Variants in DOK6 observed in about 807,000 individuals in gnomAD.
DOK6 encodes the protein docking protein 6, also known as downstream of tyrosine kinase 6.
In DOK6, 22 loss-of-function variants were observed where a neutral mutation model predicts 44.0. The observed-to-expected ratio is 0.50, with a 90% CI of 0.36 to 0.71. DOK6 has a LOEUF of 0.71. Among genes scored for constraint, DOK6 ranks in the 30% least tolerant of loss-of-function variants. DOK6 has a pLI of 0.00. For missense variants in DOK6, 340 were observed against 416.4 expected (o/e 0.82, Z 1.60); for synonymous variants, 166 against 145.5 (o/e 1.14, Z -1.01).
At chr18:69,811,895 A>G (rs1208358417) in intron 7 of DOK6, among the ~76,000 whole-genome samples, 1 of 152,038 alleles carries the variant, frequency 6.6e-6, no homozygotes, top group Non-Finnish European at 1.5e-5. Context: ...TGACTTTGTT[A>G]TGCCTCAAGA....
chr18:69,782,100 A>G (rs1055387606), intron 7 of DOK6, among the ~76,000 whole-genome samples: 3 of 56,766 alleles, frequency 5.3e-5, no homozygotes, highest in Admixed American at 5.7e-4. Flanking sequence ...AAGATTAGCT[A>G]TAGAGACTAC....
intron 2 of DOK6, among the ~76,000 whole-genome samples, chr18:69,575,188 T>A (rs1983210283): frequency 6.6e-6 from 1 of 152,082 alleles, no homozygotes; most frequent in Non-Finnish European, 1.5e-5. Context: ...GTTCTGATCT[T>A]TTCAAGACAG....
intron 3 of DOK6, among the ~76,000 whole-genome samples, chr18:69,606,867 A>T (rs1984011629): frequency 6.6e-6 from 1 of 151,052 alleles, no homozygotes; most frequent in Admixed American, 6.6e-5. Context: ...AGGTTCAAGC[A>T]ACTCTCTGCC....
chr18:69,598,276 G>A (rs1983793707), intron 2 of DOK6, among the ~76,000 whole-genome samples: 1 of 151,456 alleles, frequency 6.6e-6, no homozygotes, highest in South Asian at 2.1e-4. Flanking sequence ...ATATGCAAAT[G>A]TGTATATAAA....
intron 1 of DOK6, among the ~76,000 whole-genome samples, chr18:69,526,986 C>T (rs1223373028): frequency 6.6e-6 from 1 of 152,176 alleles, no homozygotes; most frequent in Non-Finnish European, 1.5e-5. Context: ...TATCTGTAAC[C>T]TTCTGCTCAG....
intron 1 of DOK6, among the ~76,000 whole-genome samples, chr18:69,521,929 T>A (rs1981697877): frequency 6.6e-6 from 1 of 151,908 alleles, no homozygotes; most frequent in South Asian, 2.1e-4. Flanking sequence ...AGTTAAAATT[T>A]AAAAAAATTA....
intron 1 of DOK6, among the ~76,000 whole-genome samples, chr18:69,444,685 C>T (rs1376887428): frequency 6.6e-6 from 1 of 150,556 alleles, no homozygotes; most frequent in East Asian, 1.9e-4. Flanking sequence ...ACTCTGTCCC[C>T]CAGGCTGGAG....
intron 3 of DOK6, among the ~76,000 whole-genome samples, chr18:69,676,838 A>C (rs1166247143): frequency 6.6e-6 from 1 of 152,200 alleles, no homozygotes; most frequent in Non-Finnish European, 1.5e-5. Flanking sequence ...CTTACACCAA[A>C]GTCAAATTCA....
intron 3 of DOK6, among the ~76,000 whole-genome samples, chr18:69,642,410 C>T (rs546264567): frequency 1.3e-5 from 2 of 152,204 alleles, no homozygotes; most frequent in African/African-American, 4.8e-5. Context: ...GTGGTACATG[C>T]CTGTAGTCCC....
At chr18:69,466,207 C>T (rs566069056) in intron 1 of DOK6, among the ~76,000 whole-genome samples, 3 of 152,276 alleles carry the variant, frequency 2.0e-5, no homozygotes, top group Admixed American at 1.3e-4. Flanking sequence ...CACCATCCTA[C>T]GCTGAGCATT....
At chr18:69,620,741 T>C (rs1984421412) in intron 3 of DOK6, among the ~76,000 whole-genome samples, 1 of 152,232 alleles carries the variant, frequency 6.6e-6, no homozygotes, top group Non-Finnish European at 1.5e-5. Context: ...TTAACGTACT[T>C]GTAAATTCAA....
chr18:69,727,626 T>A (rs1978316791), intron 5 of DOK6, among the ~76,000 whole-genome samples: 1 of 152,340 alleles, frequency 6.6e-6, no homozygotes, highest in African/African-American at 2.4e-5. Flanking sequence ...GATGACTATA[T>A]AAATGTGAGA....
At chr18:69,652,512 A>G (rs901255321) in intron 3 of DOK6, among the ~76,000 whole-genome samples, 5 of 152,202 alleles carry the variant, frequency 3.3e-5, no homozygotes, top group African/African-American at 1.2e-4. Flanking sequence ...GGAGTAGATG[A>G]GTTTATTAGG....
chr18:69,561,938 C>G (rs1263115562), intron 1 of DOK6, among the ~76,000 whole-genome samples: 2 of 152,098 alleles, frequency 1.3e-5, no homozygotes, highest in African/African-American at 4.8e-5. Context: ...AATATGACAA[C>G]TTTGCAATTT....
chr18:69,732,090 T>C (rs1358771549), intron 5 of DOK6, among the ~76,000 whole-genome samples: 1 of 152,214 alleles, frequency 6.6e-6, no homozygotes, highest in Admixed American at 6.5e-5. Context: ...TAATTTGTTT[T>C]GCTTTTTTTT....
At chr18:69,619,052 A>G (rs1018653411) in intron 3 of DOK6, among the ~76,000 whole-genome samples, 1 of 152,108 alleles carries the variant, frequency 6.6e-6, no homozygotes, top group African/African-American at 2.4e-5. Context: ...TCCACTTACA[A>G]GAAAGAAAAG....
At chr18:69,706,396 C>G (rs545841885) in intron 5 of DOK6, among the ~76,000 whole-genome samples, 13 of 152,100 alleles carry the variant, frequency 8.5e-5, no homozygotes, top group Non-Finnish European at 5.9e-5. Flanking sequence ...TGCTTACAAC[C>G]GAAAGTTTTC....
intron 1 of DOK6, among the ~76,000 whole-genome samples, chr18:69,455,694 A>G (rs577628517): frequency 5.3e-5 from 8 of 152,328 alleles, no homozygotes; most frequent in African/African-American, 1.9e-4. Context: ...CTGATGGCAG[A>G]TGAGAAGAAT....
At chr18:69,663,356 G>T (rs1277996603) in intron 3 of DOK6, 4 of 151,768 alleles carry the variant, frequency 2.6e-5, no homozygotes, top group African/African-American at 9.7e-5. Context: ...GAAATAATCT[G>T]TACGACAAAC....
Sources: allele counts gnomAD v4.1 joint callset (sites outside exome capture counted in the v4.1 genomes callset), GRCh38; gene constraint gnomAD v4.1.1; transcripts MANE v1.5; gene names NCBI Gene and HGNC (gene_info 2026-07-23, HGNC 2026-07-21).